The following RPAP2 variants were observed in gnomAD, a reference collection of about 807,000 sequenced individuals.
The protein encoded by RPAP2 is putative RNA polymerase II subunit B1 CTD phosphatase RPAP2.
Under a neutral mutation model 73.1 loss-of-function variants are expected in RPAP2, and 52 were observed. The observed-to-expected ratio is 0.71, with a 90% CI of 0.57 to 0.90. The LOEUF (loss-of-function observed/expected upper bound fraction) is 0.90. RPAP2 is among the 40% of genes least tolerant of loss of function. The probability of loss-of-function intolerance (pLI) is 0.00; values close to 1 mark genes in which losing one functional copy is unlikely to be tolerated. For synonymous variants in RPAP2, 225 were observed against 242.1 expected, an observed-to-expected ratio of 0.93 and a Z score of 0.65; for missense variants, 598 against 701.8, an observed-to-expected ratio of 0.85 and a Z score of 1.67.
intron 11 of RPAP2, among the ~76,000 whole-genome samples, chr1:92,364,621 T>C (rs932887141): frequency 2.0e-5 from 3 of 152,202 alleles, no homozygotes; most frequent in Non-Finnish European, 4.4e-5. Flanking sequence ...GGTATCCTCC[T>C]AATTACCCAG....
Position 92,390,605 on chromosome 1 carries a change from G to A in RPAP2, c.*3594G>A, listed in dbSNP as rs532754750. Reference sequence around the variant, plus strand: ...ATTAAAAGACACAGACTGGCAAATTGAATAAACAGTCAAGACCCATCAGTG... The same window carrying A: ...ATTAAAAGACACAGACTGGCAAATTAAATAAACAGTCAAGACCCATCAGTG... On this transcript the variant is annotated 3_prime_UTR_variant, in exon 13 of 13. Coordinates refer to ENST00000610020, the MANE Select transcript of RPAP2 (RefSeq NM_024813.3). The A allele has an allele frequency of 1.3e-4, 20 of 152,272 alleles. No individual in the cohort carries two copies. Among genetic ancestry groups the A allele is most frequent in the African/African-American group, 4.8e-4 (20 of 41,538 alleles). The allele number at this position is 152,272 out of a possible 1,614,324, so 9.4% of individuals were successfully genotyped here.
At chr1:92,382,506 T>A (rs1655686945) in intron 12 of RPAP2, among the ~76,000 whole-genome samples, 1 of 152,162 alleles carries the variant, frequency 6.6e-6, no homozygotes, top group South Asian at 2.1e-4. Flanking sequence ...TGATTTGCAT[T>A]TCTCTGATGG....
At position 92,388,023 on chromosome 1, in the gene RPAP2, T is replaced by G. The variant is rs1655926770; in HGVS notation, c.*1012T>G. On this transcript the variant is annotated 3_prime_UTR_variant, in exon 13 of 13. Coordinates refer to ENST00000610020, the MANE Select transcript of RPAP2 (RefSeq NM_024813.3). ...AATTTTTTTTAACCTCATTTGATTG[T>G]GTAAGGGTCTAACCACAACAAAAAA... is the stretch of plus-strand genomic sequence containing the variant. The G allele has an allele frequency of 6.6e-6, 1 of 152,196 alleles. No individual in the cohort carries two copies. The allele number at this position is 152,196 out of a possible 1,614,324, so 9.4% of individuals were successfully genotyped here.
At chr1:92,374,141 T>C (rs954987602) in intron 11 of RPAP2, among the ~76,000 whole-genome samples, 1 of 152,288 alleles carries the variant, frequency 6.6e-6, no homozygotes, top group African/African-American at 2.4e-5. Flanking sequence ...AGGTTGTCCA[T>C]TGACCTATTC....
chr1:92,372,160 C>G (rs928980707), intron 11 of RPAP2, among the ~76,000 whole-genome samples: 5 of 152,052 alleles, frequency 3.3e-5, no homozygotes, highest in African/African-American at 1.2e-4. Flanking sequence ...TATGTAGATA[C>G]CCTAAATTGC....
In RPAP2 at chr1:92,388,942, T is replaced by G. The variant is rs150044425; in HGVS notation, c.*1931T>G. On this transcript the variant is annotated 3_prime_UTR_variant, in exon 13 of 13. Coordinates refer to ENST00000610020, the MANE Select transcript of RPAP2 (RefSeq NM_024813.3). ...CAGCAAGGCCTACTGTCTCTGTAGA[T>G]TCCACCTCCAGGGGCAGGGCATATC... The G allele has an allele frequency of 6.6e-6, 1 of 152,338 alleles. No individual in the cohort carries two copies. The highest frequency in any genetic ancestry group is 1.5e-5 in the Non-Finnish European group (1 of 68,144). 9.4% of individuals were successfully genotyped at this position (152,338 alleles called of 1,614,324 possible). A position where few individuals can be genotyped will look rare whatever the true frequency, so the allele number is the denominator to read the frequency against.
chr1:92,355,161 A>G (rs563381082), intron 11 of RPAP2, among the ~76,000 whole-genome samples: 1 of 151,990 alleles, frequency 6.6e-6, no homozygotes, highest in East Asian at 1.9e-4. Flanking sequence ...TTATGTCATT[A>G]ATTTTTATTT....
chr1:92,371,782 T>G (rs1239399222), intron 11 of RPAP2, among the ~76,000 whole-genome samples: 4 of 149,714 alleles, frequency 2.7e-5, no homozygotes, highest in Non-Finnish European at 5.9e-5. Context: ...TTCCCAGCAC[T>G]TTGGGAGGCT....
At chr1:92,365,102 A>G (rs1294851770) in intron 11 of RPAP2, among the ~76,000 whole-genome samples, 1 of 152,160 alleles carries the variant, frequency 6.6e-6, no homozygotes, top group African/African-American at 2.4e-5. Flanking sequence ...TTCAAGATCC[A>G]GTTCAAATGT....
At chr1:92,299,729 CCCTT>C (rs1650664470) in intron 1 of RPAP2, among the ~76,000 whole-genome samples, 1 of 152,166 alleles carries the variant, frequency 6.6e-6, no homozygotes, top group Admixed American at 6.5e-5. Flanking sequence ...AAATTGCTCT[CCCTT>C]CCTATTTCAT....
At chr1:92,347,019 A>C (rs1367119561) in intron 11 of RPAP2, among the ~76,000 whole-genome samples, 2 of 152,122 alleles carry the variant, frequency 1.3e-5, no homozygotes, top group Non-Finnish European at 2.9e-5. Flanking sequence ...TCAGTCTGAC[A>C]TGTTATTCTG....
chr1:92,335,919 A>AAC (rs1653256095), intron 9 of RPAP2, among the ~76,000 whole-genome samples: 1 of 152,140 alleles, frequency 6.6e-6, no homozygotes, highest in Non-Finnish European at 1.5e-5. Context: ...TTAAACTGTT[A>AAC]ATATATATTG....
At chr1:92,325,343 T>G (rs894669069) in intron 8 of RPAP2, among the ~76,000 whole-genome samples, 1 of 152,126 alleles carries the variant, frequency 6.6e-6, no homozygotes, top group African/African-American at 2.4e-5. Flanking sequence ...TAGAAATATA[T>G]TTCTATAGAG....
At position 92,327,993 on chromosome 1, in the gene RPAP2, C is replaced by T. The variant is rs115562773; in HGVS notation, c.1455+3618C>T. The stretch of plus-strand genomic sequence containing the variant: ...GCTAAAGATAGGACTCCAATGTCTT[C>T]TAGCTTATAGGGTTTCTGCTGAGAA... On this transcript the variant is annotated intron_variant, in intron 8 of 12. Transcript: ENST00000610020. Among the ~76,000 whole-genome samples, 273 of 152,330 alleles carry T rather than the reference C, an allele frequency of 1.8e-3. 3 individuals are homozygous for T. The highest frequency in any genetic ancestry group is 6.0e-3 in the African/African-American group (250 of 41,574).
In RPAP2 at chr1:92,331,650, T is replaced by C. The variant is rs187017819; in HGVS notation, c.1456-1741T>C. Among the ~76,000 whole-genome samples, 797 of 152,312 alleles carry C rather than the reference T, an allele frequency of 5.2e-3. 2 individuals are homozygous for C. The highest frequency in any genetic ancestry group is 8.8e-3 in the Non-Finnish European group (597 of 68,002). ...TCTTGACTTATGTTCTGTTATTGGA[T>C]ATTTTTATTTTCTCTAAATTTCAAA... On this transcript the variant is annotated intron_variant, in intron 8 of 12. Coordinates refer to ENST00000610020, the MANE Select transcript of RPAP2 (RefSeq NM_024813.3).
At chr1:92,356,166 C>T (rs796199867) in intron 11 of RPAP2, among the ~76,000 whole-genome samples, 4 of 151,900 alleles carry the variant, frequency 2.6e-5, no homozygotes, top group Admixed American at 6.6e-5. Context: ...TTAGTAGAGA[C>T]GGGGTTTCAC....
intron 12 of RPAP2, among the ~76,000 whole-genome samples, chr1:92,383,519 AT>A (rs1186777713): frequency 6.9e-6 from 1 of 143,988 alleles, no homozygotes; most frequent in Non-Finnish European, 1.5e-5. Flanking sequence ...GTATTTTATT[AT>A]CTTTGAAGCA....
intron 11 of RPAP2, among the ~76,000 whole-genome samples, chr1:92,377,037 T>G (rs1215727741): frequency 6.6e-6 from 1 of 152,226 alleles, no homozygotes; most frequent in Non-Finnish European, 1.5e-5. Flanking sequence ...TGGTAAATGT[T>G]AGTTGATAAT....
intron 10 of RPAP2, among the ~76,000 whole-genome samples, chr1:92,336,820 G>A (rs932979399): frequency 2.0e-5 from 3 of 152,024 alleles, no homozygotes; most frequent in African/African-American, 7.3e-5. Flanking sequence ...ACTCTCCTCT[G>A]TGAAGATCAT....
Sources: allele counts gnomAD v4.1 joint callset (sites outside exome capture counted in the v4.1 genomes callset), GRCh38; gene constraint gnomAD v4.1.1; transcripts MANE v1.5; gene names NCBI Gene and HGNC (gene_info 2026-07-23, HGNC 2026-07-21).